Variants in RPGRIP1L observed in about 807,000 individuals in gnomAD.
RPGRIP1L encodes the protein protein fantom.
In RPGRIP1L, 131 loss-of-function variants were observed where a neutral mutation model predicts 160.4. The observed-to-expected ratio is 0.82, with a 90% CI of 0.71 to 0.94. The LOEUF (loss-of-function observed/expected upper bound fraction) is 0.94. Among genes scored for constraint, RPGRIP1L ranks in the 40% least tolerant of loss-of-function variants. The pLI, the probability that RPGRIP1L is intolerant of heterozygous loss-of-function variation, is 0.00. For synonymous variants in RPGRIP1L, 510 were observed against 515.8 expected (o/e 0.99, Z 0.15); for missense variants, 1,522 against 1,535.8 (o/e 0.99, Z 0.15).
intron 2 of RPGRIP1L, among the ~76,000 whole-genome samples, chr16:53,699,017 G>A (rs1598429340): frequency 1.3e-5 from 2 of 152,082 alleles, no homozygotes; most frequent in East Asian, 3.9e-4. Flanking sequence ...AGTAGACATG[G>A]GAGACTTTTC....
chr16:53,621,269 C>T (rs1201483758), intron 23 of RPGRIP1L, among the ~76,000 whole-genome samples: 1 of 152,054 alleles, frequency 6.6e-6, no homozygotes, highest in African/African-American at 2.4e-5. Flanking sequence ...GTTTAAAATA[C>T]AATCCTAGAT....
At chr16:53,665,032 A>G (rs1395572374) in intron 9 of RPGRIP1L, 23 bp from the exon 10 acceptor site, 1 of 1,612,960 alleles carries the variant, frequency 6.2e-7, no homozygotes, top group Non-Finnish European at 8.5e-7. Context: ...CGTGACATGC[A>G]AGGAAAGCTT....
At chr16:53,666,360 T>C (rs1381143449) in intron 9 of RPGRIP1L, among the ~76,000 whole-genome samples, 2 of 152,074 alleles carry the variant, frequency 1.3e-5, no homozygotes, top group Non-Finnish European at 2.9e-5. Context: ...AAATATAGGA[T>C]CTATATATCA....
At chr16:53,622,715 G>GGAGCCCAA (rs1964813733) in intron 22 of RPGRIP1L, among the ~76,000 whole-genome samples, 1 of 151,778 alleles carries the variant, frequency 6.6e-6, no homozygotes, top group South Asian at 2.1e-4. Flanking sequence ...CTTAAGCCCA[G>GGAGCCCAA]GAGCCCAAGA....
chr16:53,625,244 G>A (rs1316977905), intron 22 of RPGRIP1L, among the ~76,000 whole-genome samples: 1 of 151,836 alleles, frequency 6.6e-6, no homozygotes, highest in Non-Finnish European at 1.5e-5. Flanking sequence ...GAAGTGAGGA[G>A]CCCCTCTGCC....
chr16:53,692,306 C>T lies in RPGRIP1L; in HGVS notation c.289G>A (p.Gly97Ser). Residue 97 changes from glycine to serine, a missense_variant, in exon 4 of 27, where the codon GGC (glycine) becomes AGC (serine). Transcript: ENST00000647211. ...NDKKRYERVG[G>S]GPKRLGRDVE... ...TCTCGTCCCAGCCGCTTGGGGCCGC[C>T]ACCAACCCGCTCATATCTTTTCTTG... The T allele has an allele frequency of 6.2e-7, 1 of 1,614,118 alleles. No homozygotes were observed. The highest frequency in any genetic ancestry group is 8.5e-7 in the Non-Finnish European group (1 of 1,180,008).
At chr16:53,618,599 G>A (rs895660084) in intron 24 of RPGRIP1L, among the ~76,000 whole-genome samples, 5 of 152,142 alleles carry the variant, frequency 3.3e-5, no homozygotes, top group South Asian at 2.1e-4. Context: ...GCAAGAGTGC[G>A]GTGGCAAGAT....
chr16:53,684,676 C>T (rs948562433), intron 6 of RPGRIP1L, among the ~76,000 whole-genome samples: 34 of 151,368 alleles, frequency 2.2e-4, no homozygotes, highest in African/African-American at 7.0e-4. Context: ...ACACCAACAT[C>T]GCACATGTAT....
rs901272691 is a variant in RPGRIP1L at position 53,629,882 on chromosome 16, A to G, written c.3294+6557T>C. 3.9e-5 allele frequency among the ~76,000 whole-genome samples: 6 copies of G among 152,328 alleles called. 1 individual carries two copies. The East Asian group carries it at 1.2e-3, about 29-fold the overall frequency. On this transcript the variant is annotated intron_variant, in intron 22 of 26. Transcript: ENST00000647211. Reference sequence around the variant, plus strand: ...GGTTCCAATAACAGTAGAGGGCTGGATTTGGCACAGGGGCCATTGTTTGCT... The same window carrying G: ...GGTTCCAATAACAGTAGAGGGCTGGGTTTGGCACAGGGGCCATTGTTTGCT...
At chr16:53,693,190 G>A (rs1970504653) in intron 3 of RPGRIP1L, 1 of 152,200 alleles carries the variant, frequency 6.6e-6, no homozygotes. Context: ...TGGCTTTGAT[G>A]AGAGACACAA....
chr16:53,664,534 C>T (rs940388574), intron 10 of RPGRIP1L, among the ~76,000 whole-genome samples: 1 of 151,936 alleles, frequency 6.6e-6, no homozygotes, highest in Admixed American at 6.6e-5. Flanking sequence ...TGCTGTATCC[C>T]CAGAAATTAG....
At chr16:53,604,816 T>C (rs770852812) in intron 26 of RPGRIP1L, among the ~76,000 whole-genome samples, 3 of 152,174 alleles carry the variant, frequency 2.0e-5, no homozygotes. Flanking sequence ...AAGGCTTCCA[T>C]AAACATTAAC....
At chr16:53,625,392 G>C (rs979755151) in intron 22 of RPGRIP1L, among the ~76,000 whole-genome samples, 2 of 150,680 alleles carry the variant, frequency 1.3e-5, no homozygotes, top group South Asian at 2.1e-4. Flanking sequence ...GGGAACTGGG[G>C]GGGGCGCCTC....
chr16:53,671,683 T>C, intron 8 of RPGRIP1L, 100 bp from the exon 9 acceptor site: 1 of 627,748 alleles, frequency 1.6e-6, no homozygotes, highest in South Asian at 2.0e-5. Context: ...AAGGTTAACA[T>C]GTTTTAATCT....
chr16:53,658,895 A>C lies in RPGRIP1L; in HGVS notation c.1244-17T>G. 1 of 1,470,012 alleles carries C rather than the reference A, an allele frequency of 6.8e-7. No individual in the cohort carries two copies. Among genetic ancestry groups the C allele is most frequent in the South Asian group, 1.2e-5 (1 of 85,718 alleles). 91.1% of individuals were successfully genotyped at this position (1,470,012 alleles called of 1,614,324 possible). On this transcript the variant is annotated splice_polypyrimidine_tract_variant and intron_variant, in intron 10 of 26. Transcript: ENST00000647211. Reference sequence around the variant, plus strand: ...CATTTTGATCTTAAAAATAAAGTCCACACAATTGGAAAGGTAAGTAAAAAT... The same window carrying C: ...CATTTTGATCTTAAAAATAAAGTCCCCACAATTGGAAAGGTAAGTAAAAAT...
At chr16:53,615,049 T>A (rs1964276763) in intron 24 of RPGRIP1L, among the ~76,000 whole-genome samples, 1 of 152,262 alleles carries the variant, frequency 6.6e-6, no homozygotes, top group Admixed American at 6.5e-5. Flanking sequence ...AGAGTAATCA[T>A]CTGTATCATC....
chr16:53,638,821 A>G (rs1302451285), intron 19 of RPGRIP1L, among the ~76,000 whole-genome samples: 1 of 151,920 alleles, frequency 6.6e-6, no homozygotes, highest in Non-Finnish European at 1.5e-5. Context: ...AGCTACTTAT[A>G]GAACTATATA....
In RPGRIP1L at chr16:53,658,537, T is replaced by G. The variant is rs1332522932; in HGVS notation, c.1351-73A>C. Reference sequence around the variant, plus strand: ...ACAAGAGACATTCCAAGTATTCAAATTATCCCCATGAAACATAAACTGACT... The same window carrying G: ...ACAAGAGACATTCCAAGTATTCAAAGTATCCCCATGAAACATAAACTGACT... On this transcript the variant is annotated intron_variant, in intron 11 of 26. Transcript: ENST00000647211. 3.3e-6 allele frequency: 4 copies of G among 1,221,516 alleles called. No homozygotes were observed. The African/African-American group carries it at 5.9e-5, about 18-fold the overall frequency. The allele number at this position is 1,221,516 out of a possible 1,614,324, so 75.7% of individuals were successfully genotyped here. A position where few individuals can be genotyped will look rare whatever the true frequency, so the allele number is the denominator to read the frequency against.
At chr16:53,610,391 T>A (rs920450975) in intron 25 of RPGRIP1L, among the ~76,000 whole-genome samples, 1 of 152,246 alleles carries the variant, frequency 6.6e-6, no homozygotes, top group Non-Finnish European at 1.5e-5. Flanking sequence ...GAAAGGCTGA[T>A]GAGCCATTAC....
Sources: gnomAD v4.1 joint callset for allele counts (sites outside exome capture counted in the v4.1 genomes callset) on GRCh38, gnomAD v4.1.1 for gene constraint, MANE v1.5 for transcripts, NCBI Gene and HGNC (gene_info 2026-07-23, HGNC 2026-07-21) for gene names.